The following ANGPT2 variants were observed in gnomAD, a reference collection of about 807,000 sequenced individuals.
ANGPT2 encodes the protein angiopoietin 2.
Under a neutral mutation model 62.9 loss-of-function variants are expected in ANGPT2, and 28 were observed. The observed-to-expected ratio is 0.44, with a 90% CI of 0.33 to 0.61. ANGPT2 has a LOEUF of 0.61. Ranked by LOEUF, ANGPT2 falls within the 20% of genes least tolerant of loss-of-function variation. ANGPT2 has a pLI of 0.03. For missense variants in ANGPT2, 727 were observed against 594.9 expected (o/e 1.22, Z -2.31); for synonymous variants, 284 against 207.8 (o/e 1.37, Z -3.15).
intron 8 of ANGPT2, among the ~76,000 whole-genome samples, chr8:6,506,972 A>T (rs1356925287): frequency 6.6e-6 from 1 of 151,456 alleles, no homozygotes; most frequent in Non-Finnish European, 1.5e-5. Flanking sequence ...ATCTCGGCTC[A>T]TTGCAAACTC....
rs1318209262 is a variant in ANGPT2, at chr8:6,500,259, GAA to G, written c.*2840_*2841del. On this transcript the variant is annotated 3_prime_UTR_variant, in exon 9 of 9. Coordinates refer to ENST00000629816, the MANE Select transcript of ANGPT2 (RefSeq NM_001118887.2). ...TTGCTTAATGTTTTTACTGTTAATA[GAA>G]ATAGAACTGATAGGTATAAAGATTA... The G allele has an allele frequency of 2.2e-5, 7 of 325,272 alleles. No individual in the cohort carries two copies. Among genetic ancestry groups the G allele is most frequent in the Middle Eastern group, 1.1e-3 (1 of 938 alleles). The allele number at this position is 325,272 out of a possible 1,614,324, so 20.1% of individuals were successfully genotyped here.
At chr8:6,503,691 T>G (rs1219954678) in intron 8 of ANGPT2, among the ~76,000 whole-genome samples, 1 of 152,230 alleles carries the variant, frequency 6.6e-6, no homozygotes, top group African/African-American at 2.4e-5. Flanking sequence ...TAAATGATTT[T>G]TTCGGTTGAA....
At chr8:6,530,854 G>C (rs185721435) in intron 2 of ANGPT2, among the ~76,000 whole-genome samples, 1 of 152,174 alleles carries the variant, frequency 6.6e-6, no homozygotes, top group African/African-American at 2.4e-5. Context: ...TGTCCTTCTA[G>C]AATGAGTCTT....
chr8:6,545,111 C>T (rs1377148830), intron 1 of ANGPT2, among the ~76,000 whole-genome samples: 1 of 151,990 alleles, frequency 6.6e-6, no homozygotes, highest in Non-Finnish European at 1.5e-5. Context: ...GATCCATTTC[C>T]ATGAAGCTCA....
chr8:6,524,547 G>T (rs909443631), intron 3 of ANGPT2, among the ~76,000 whole-genome samples: 20 of 152,286 alleles, frequency 1.3e-4, no homozygotes, highest in African/African-American at 4.3e-4. Flanking sequence ...GTGATAGTTG[G>T]GTTCAGATCA....
chr8:6,539,709 C>G (rs768050292), intron 1 of ANGPT2, among the ~76,000 whole-genome samples: 12 of 152,208 alleles, frequency 7.9e-5, no homozygotes, highest in Non-Finnish European at 1.8e-4. Context: ...GCCTCAGCTT[C>G]CCAAGTAGCT....
intron 3 of ANGPT2, among the ~76,000 whole-genome samples, chr8:6,522,912 C>G (rs954350747): frequency 3.3e-5 from 5 of 152,190 alleles, no homozygotes; most frequent in African/African-American, 1.2e-4. Flanking sequence ...TAATGTGGCC[C>G]CATTCCTTCT....
At chr8:6,524,927 G>T (rs1300737377) in intron 3 of ANGPT2, among the ~76,000 whole-genome samples, 2 of 152,176 alleles carry the variant, frequency 1.3e-5, no homozygotes, top group Non-Finnish European at 2.9e-5. Flanking sequence ...TCTGCACATG[G>T]CTTCCTGTGT....
Position 6,502,986 on chromosome 8 carries a change from C to T in ANGPT2, c.*115G>A, listed in dbSNP as rs190499042. The T allele has an allele frequency of 5.8e-4, 738 of 1,278,848 alleles. 4 individuals carry two copies. In the African/African-American group the frequency reaches 8.2e-3, roughly 14 times the overall value. 79.2% of individuals were successfully genotyped at this position (1,278,848 alleles called of 1,614,324 possible). A position where few individuals can be genotyped will look rare whatever the true frequency, so the allele number is the denominator to read the frequency against. On this transcript the variant is annotated 3_prime_UTR_variant, in exon 9 of 9. Coordinates refer to ENST00000629816, the MANE Select transcript of ANGPT2 (RefSeq NM_001118887.2). ...TGGAGCATGTGGGTCCCGTCAGCAC[C>T]GAGCACACGCCCTCTGTGGTGGAAG...
intron 1 of ANGPT2, among the ~76,000 whole-genome samples, chr8:6,558,307 T>G (rs1824979473): frequency 6.6e-6 from 1 of 152,248 alleles, no homozygotes; most frequent in Non-Finnish European, 1.5e-5. Context: ...ATTTCCACCA[T>G]TTTAATAGCC....
chr8:6,552,805 G>A (rs1823886687), intron 1 of ANGPT2, among the ~76,000 whole-genome samples: 1 of 146,000 alleles, frequency 6.8e-6, no homozygotes, highest in Non-Finnish European at 1.5e-5. Context: ...TTGTTCTACA[G>A]TTATTCCTGC....
In ANGPT2 at chr8:6,501,446, A is replaced by T. The variant is rs1259699822; in HGVS notation, c.*1655T>A. 1 of 152,196 alleles carries T rather than the reference A, an allele frequency of 6.6e-6. No individual in the cohort carries two copies. Among genetic ancestry groups the T allele is most frequent in the African/African-American group, 2.4e-5 (1 of 41,452 alleles). The allele number at this position is 152,196 out of a possible 1,614,324, so 9.4% of individuals were successfully genotyped here. On this transcript the variant is annotated 3_prime_UTR_variant, in exon 9 of 9. Transcript: ENST00000629816. The stretch of plus-strand genomic sequence containing the variant: ...ATTATAAAGCTTTACACAAATGTTC[A>T]TTAGTATTAATTGTACTATGAAAAT...
intron 1 of ANGPT2, among the ~76,000 whole-genome samples, chr8:6,535,330 G>T (rs1402607305): frequency 6.6e-6 from 1 of 152,122 alleles, no homozygotes; most frequent in South Asian, 2.1e-4. Context: ...ATTCCAATTT[G>T]AAATTAAACT....
intron 1 of ANGPT2, among the ~76,000 whole-genome samples, chr8:6,534,544 C>A (rs759783201): frequency 6.6e-6 from 1 of 152,066 alleles, no homozygotes; most frequent in East Asian, 1.9e-4. Context: ...GCTGGGACTA[C>A]GAGCGTGAGC....
intron 7 of ANGPT2, among the ~76,000 whole-genome samples, chr8:6,511,843 AC>A (rs1367956024): frequency 6.6e-6 from 1 of 151,676 alleles, no homozygotes; most frequent in African/African-American, 2.4e-5. Flanking sequence ...AAGGGTAATG[AC>A]CCATTTTGTA....
chr8:6,507,052 C>T (rs1813882372), intron 8 of ANGPT2, among the ~76,000 whole-genome samples: 1 of 152,086 alleles, frequency 6.6e-6, no homozygotes, highest in South Asian at 2.1e-4. Flanking sequence ...CGTATGCCAC[C>T]ACGCCTGGCT....
chr8:6,529,074 C>T (rs953645911), intron 2 of ANGPT2, among the ~76,000 whole-genome samples: 6 of 152,072 alleles, frequency 3.9e-5, no homozygotes, highest in Middle Eastern at 3.2e-3. Flanking sequence ...AGTAAAATTC[C>T]GTGTGGAGGC....
chr8:6,542,837 A>C (rs1821859187), intron 1 of ANGPT2, among the ~76,000 whole-genome samples: 1 of 152,152 alleles, frequency 6.6e-6, no homozygotes, highest in African/African-American at 2.4e-5. Flanking sequence ...ACTTGGTCAC[A>C]ATGACTATCC....
Position 6,500,070 on chromosome 8 carries a change from A to G in ANGPT2, c.*3031T>C, listed in dbSNP as rs930516315. On this transcript the variant is annotated 3_prime_UTR_variant, in exon 9 of 9. Coordinates refer to ENST00000629816, the MANE Select transcript of ANGPT2 (RefSeq NM_001118887.2). ...TAAAAAGACATTCACAGAACTTAAC[A>G]CCTTTTATCAATTTATTCGCGAGAA... is the stretch of plus-strand genomic sequence containing the variant. 1.4e-5 allele frequency: 10 copies of G among 721,538 alleles called. No homozygotes were observed. The African/African-American group carries it at 1.7e-4, about 13-fold the overall frequency. The allele number at this position is 721,538 out of a possible 1,614,324, so 44.7% of individuals were successfully genotyped here. A position where few individuals can be genotyped will look rare whatever the true frequency, so the allele number is the denominator to read the frequency against.
Sources: gnomAD v4.1 joint callset for allele counts (sites outside exome capture counted in the v4.1 genomes callset) on GRCh38, gnomAD v4.1.1 for gene constraint, MANE v1.5 for transcripts, NCBI Gene and HGNC (gene_info 2026-07-23, HGNC 2026-07-21) for gene names.